Variants in NNMT observed in about 807,000 individuals in gnomAD.
NNMT encodes the protein nicotinamide N-methyltransferase.
In NNMT, 10 loss-of-function variants were observed where a neutral mutation model predicts 11.7. The ratio of observed to expected loss-of-function variants is 0.85; its 90% CI spans 0.53 to 1.45. The LOEUF (loss-of-function observed/expected upper bound fraction) is 1.45. Ranked by LOEUF, NNMT falls within the 40% of genes most tolerant of loss-of-function variation. The pLI is 0.00. For synonymous variants in NNMT, 143 were observed against 133.8 expected (o/e 1.07, Z -0.48); for missense variants, 381 against 319.4 (o/e 1.19, Z -1.47).
intron 2 of NNMT, among the ~76,000 whole-genome samples, chr11:114,276,495 T>C (rs772547242): frequency 1.9e-4 from 29 of 152,190 alleles, no homozygotes; most frequent in Non-Finnish European, 3.7e-4. Context: ...TCTGTTTTAT[T>C]TAGAAACCTT....
intron 2 of NNMT, among the ~76,000 whole-genome samples, chr11:114,298,837 G>T (rs1277233138): frequency 1.3e-5 from 2 of 152,094 alleles, no homozygotes; most frequent in African/African-American, 4.8e-5. Context: ...TCCAACACGA[G>T]AAATTGGCAA....
At chr11:114,307,449 C>T (rs147768124) in intron 2 of NNMT, among the ~76,000 whole-genome samples, 13 of 152,180 alleles carry the variant, frequency 8.5e-5, no homozygotes, top group Non-Finnish European at 1.6e-4. Context: ...CCGTGTTTAC[C>T]ATCACCTGGT....
intron 2 of NNMT, among the ~76,000 whole-genome samples, chr11:114,266,383 C>T (rs76981486): frequency 0.044 from 6,719 of 152,236 alleles, 164 homozygotes; most frequent in East Asian, 0.069. Context: ...CCAGCAAAGG[C>T]TCTAAATAAA....
At chr11:114,307,689 C>T (rs1240634312) in intron 2 of NNMT, among the ~76,000 whole-genome samples, 1 of 152,220 alleles carries the variant, frequency 6.6e-6, no homozygotes, top group South Asian at 2.1e-4. Flanking sequence ...AACCTATTTC[C>T]CCACAATCCA....
chr11:114,275,321 TCAA>T (rs1185254113), intron 2 of NNMT, among the ~76,000 whole-genome samples: 2 of 152,196 alleles, frequency 1.3e-5, no homozygotes, highest in African/African-American at 4.8e-5. Flanking sequence ...CTGGATGTCC[TCAA>T]CAACATCTAC....
chr11:114,276,889 G>A (rs1030852098), intron 2 of NNMT, among the ~76,000 whole-genome samples: 1 of 152,216 alleles, frequency 6.6e-6, no homozygotes, highest in African/African-American at 2.4e-5. Flanking sequence ...GACCTTTGGT[G>A]GGTCACTAAC....
intron 2 of NNMT, among the ~76,000 whole-genome samples, chr11:114,284,091 G>A (rs1160032798): frequency 1.1e-4 from 16 of 152,208 alleles, no homozygotes; most frequent in Admixed American, 5.9e-4. Context: ...GCAACAAGCC[G>A]AGGAGGAAAG....
intron 2 of NNMT, among the ~76,000 whole-genome samples, chr11:114,287,507 C>G (rs548937692): frequency 1.3e-5 from 2 of 152,074 alleles, no homozygotes; most frequent in Admixed American, 6.5e-5. Flanking sequence ...TATCTTTTTC[C>G]CCACTGATCT....
At chr11:114,310,795 A>G (rs1443697380) in intron 2 of NNMT, among the ~76,000 whole-genome samples, 4 of 152,168 alleles carry the variant, frequency 2.6e-5, no homozygotes, top group African/African-American at 4.8e-5. Context: ...CCCTTAACAC[A>G]CTCAATGTTT....
At chr11:114,297,088 A>C (rs553770259) in intron 1 of NNMT, among the ~76,000 whole-genome samples, 1 of 152,220 alleles carries the variant, frequency 6.6e-6, no homozygotes, top group African/African-American at 2.4e-5. Context: ...AGACCTCCCA[A>C]TATATGAAGA....
chr11:114,301,145 T>C (rs1255749061), intron 2 of NNMT, among the ~76,000 whole-genome samples: 1 of 152,148 alleles, frequency 6.6e-6, no homozygotes, highest in Admixed American at 6.5e-5. Flanking sequence ...TATTTATTGT[T>C]CGTGGGAATT....
intron 2 of NNMT, among the ~76,000 whole-genome samples, chr11:114,276,961 C>T (rs371821944): frequency 5.5e-4 from 84 of 152,312 alleles, no homozygotes; most frequent in Middle Eastern, 3.4e-3. Context: ...CAGTGGCTCA[C>T]GCCTGTAATC....
chr11:114,305,513 G>A (rs1292180159), intron 2 of NNMT, among the ~76,000 whole-genome samples: 8 of 66,054 alleles, frequency 1.2e-4, no homozygotes, highest in African/African-American at 3.9e-4. Context: ...CCCACCCCAC[G>A]ACAGGCCCCG....
chr11:114,297,886 A>G, intron 1 of NNMT, 65 bp from the exon 2 acceptor site: 1 of 1,370,642 alleles, frequency 7.3e-7, no homozygotes, highest in Non-Finnish European at 1.0e-6. Flanking sequence ...AGACAATGTA[A>G]ATTTGACTCT....
upstream of NNMT, among the ~76,000 whole-genome samples, chr11:114,291,994 G>C (rs1945338745): frequency 6.6e-6 from 1 of 152,052 alleles, no homozygotes. Flanking sequence ...TAGTCCATTT[G>C]ATCTCTCTTA....
At chr11:114,264,695 G>T (rs567701117) in intron 2 of NNMT, among the ~76,000 whole-genome samples, 1 of 152,202 alleles carries the variant, frequency 6.6e-6, no homozygotes, top group Non-Finnish European at 1.5e-5. Flanking sequence ...TGTTTGATCC[G>T]TGCTTCTGAT....
At chr11:114,268,667 G>T (rs546503115) in intron 2 of NNMT, among the ~76,000 whole-genome samples, 3 of 151,692 alleles carry the variant, frequency 2.0e-5, no homozygotes, top group Admixed American at 2.0e-4. Flanking sequence ...TACTCGGGAG[G>T]CTGAGGCAGG....
chr11:114,281,902 A>AC (rs2135257747), intron 2 of NNMT, among the ~76,000 whole-genome samples: 1 of 152,296 alleles, frequency 6.6e-6, no homozygotes, highest in East Asian at 1.9e-4. Flanking sequence ...ACTGTGCCTG[A>AC]ACAAGTGACT....
intron 2 of NNMT, among the ~76,000 whole-genome samples, chr11:114,302,343 T>G (rs570791548): frequency 2.6e-4 from 39 of 152,294 alleles, no homozygotes; most frequent in East Asian, 1.7e-3. Context: ...GTTAACCTCT[T>G]CTGTGTCTTG....
Sources: gnomAD v4.1 joint callset for allele counts (sites outside exome capture counted in the v4.1 genomes callset) on GRCh38, gnomAD v4.1.1 for gene constraint, MANE v1.5 for transcripts, NCBI Gene and HGNC (gene_info 2026-07-23, HGNC 2026-07-21) for gene names.